CDH8: variants seen among roughly 807,000 people sequenced by gnomAD.
The protein encoded by CDH8 is cadherin-8.
CDH8 carries 17 observed loss-of-function variants against 68.1 expected under a neutral mutation model. The ratio of observed to expected loss-of-function variants is 0.25; its 90% CI spans 0.17 to 0.37. CDH8 has a LOEUF of 0.37. Ranked by LOEUF, CDH8 falls within the 10% of genes least tolerant of loss-of-function variation. The probability of loss-of-function intolerance (pLI) is 1.00; values close to 1 mark genes in which losing one functional copy is unlikely to be tolerated. For synonymous variants in CDH8, 372 were observed against 365.1 expected (o/e 1.02, Z -0.21); for missense variants, 763 against 999.3 (o/e 0.76, Z 3.19).
At chr16:61,704,997 T>A (rs1964501975) in intron 10 of CDH8, among the ~76,000 whole-genome samples, 1 of 152,030 alleles carries the variant, frequency 6.6e-6, no homozygotes, top group Non-Finnish European at 1.5e-5. Context: ...CACCCTAAGA[T>A]AAACAGCCTC....
At chr16:61,863,570 G>A (rs932471827) in intron 3 of CDH8, among the ~76,000 whole-genome samples, 3 of 152,090 alleles carry the variant, frequency 2.0e-5, no homozygotes, top group Non-Finnish European at 4.4e-5. Context: ...TCAGGAAAAC[G>A]ACAGTTTGGT....
intron 10 of CDH8, among the ~76,000 whole-genome samples, chr16:61,691,106 T>A (rs1405990175): frequency 2.0e-5 from 3 of 152,096 alleles, no homozygotes; most frequent in Admixed American, 1.3e-4. Context: ...ATCATGCACC[T>A]TTGTTTGCCG....
intron 10 of CDH8, among the ~76,000 whole-genome samples, chr16:61,699,828 G>A (rs767890656): frequency 2.6e-5 from 4 of 152,114 alleles, no homozygotes; most frequent in Non-Finnish European, 5.9e-5. Flanking sequence ...TGCCTGCCTC[G>A]GCCTCCCAAA....
intron 2 of CDH8, among the ~76,000 whole-genome samples, chr16:61,950,474 A>T (rs1250981332): frequency 1.3e-5 from 2 of 152,182 alleles, no homozygotes; most frequent in Non-Finnish European, 2.9e-5. Flanking sequence ...AGCAGAAGGG[A>T]TGCGACTGGG....
chr16:61,857,837 C>G (rs1017912427), intron 3 of CDH8, among the ~76,000 whole-genome samples: 1 of 151,974 alleles, frequency 6.6e-6, no homozygotes, highest in African/African-American at 2.4e-5. Flanking sequence ...TGAGCATATA[C>G]AGTTTGCCTG....
intron 2 of CDH8, among the ~76,000 whole-genome samples, chr16:61,926,606 C>T (rs1228328128): frequency 6.6e-6 from 1 of 152,196 alleles, no homozygotes; most frequent in East Asian, 1.9e-4. Context: ...AACAACCCAG[C>T]ATTTAAGCAA....
intron 3 of CDH8, among the ~76,000 whole-genome samples, chr16:61,886,426 C>T (rs1218093367): frequency 6.6e-6 from 1 of 152,220 alleles, no homozygotes; most frequent in Non-Finnish European, 1.5e-5. Flanking sequence ...CCCCTGGTCA[C>T]TGTCATCACT....
intron 3 of CDH8, among the ~76,000 whole-genome samples, chr16:61,859,082 T>C (rs1487822769): frequency 6.6e-6 from 1 of 152,158 alleles, no homozygotes; most frequent in Non-Finnish European, 1.5e-5. Flanking sequence ...TAATATTTGT[T>C]GAGCAGTTGA....
chr16:61,912,952 A>G (rs561192823), intron 2 of CDH8, among the ~76,000 whole-genome samples: 1 of 152,306 alleles, frequency 6.6e-6, no homozygotes, highest in South Asian at 2.1e-4. Context: ...TTTAAAACAC[A>G]GCAATAAAAA....
chr16:61,898,192 TAGG>T (rs1783067080), intron 3 of CDH8, among the ~76,000 whole-genome samples: 1 of 151,780 alleles, frequency 6.6e-6, no homozygotes, highest in African/African-American at 2.4e-5. Flanking sequence ...CCCAGCTACT[TAGG>T]AGGCTGAGGC....
intron 10 of CDH8, among the ~76,000 whole-genome samples, chr16:61,701,234 A>G (rs1255895671): frequency 1.3e-5 from 2 of 152,182 alleles, no homozygotes; most frequent in African/African-American, 4.8e-5. Flanking sequence ...TTTGTTCTCT[A>G]TGAACATAAA....
intron 3 of CDH8, among the ~76,000 whole-genome samples, chr16:61,874,951 G>T (rs1963434914): frequency 6.6e-6 from 1 of 152,130 alleles, no homozygotes; most frequent in Admixed American, 6.5e-5. Flanking sequence ...GCTAGAATCT[G>T]GGGATTCAAG....
chr16:62,021,158 A>G lies in CDH8; in HGVS notation c.246T>C (p.Val82=). The G allele has an allele frequency of 6.2e-7, 1 of 1,613,910 alleles. No individual in the cohort carries two copies. The highest frequency in any genetic ancestry group is 1.7e-5 in the Admixed American group (1 of 59,968). The change falls in exon 2 of 12, where the codon GTT becomes GTC. Residue 82 remains valine (V), a synonymous_variant. Transcript: ENST00000577390. ...TCTTAAAAACAAAGCTTACCCGGCC[A>G]ACAAGAATCGGTTCAGGTCCAGAAA... ...EEFSGPEPIL[V]GRLHTDLDPG...
intron 3 of CDH8, among the ~76,000 whole-genome samples, chr16:61,872,791 T>G: frequency 6.6e-6 from 1 of 152,312 alleles, no homozygotes; most frequent in South Asian, 2.1e-4. Flanking sequence ...ATTTTATTTT[T>G]GGTTTTTATT....
intron 8 of CDH8, among the ~76,000 whole-genome samples, chr16:61,764,777 C>G (rs1960548035): frequency 6.6e-6 from 1 of 151,932 alleles, no homozygotes; most frequent in Non-Finnish European, 1.5e-5. Flanking sequence ...TACAAATACC[C>G]CATCATGTAA....
Position 61,647,491 on chromosome 16 carries a change from T to A in CDH8, c.*6117A>T. On this transcript the variant is annotated 3_prime_UTR_variant, in exon 12 of 12. Coordinates refer to ENST00000577390, the MANE Select transcript of CDH8 (RefSeq NM_001796.5). The stretch of plus-strand genomic sequence containing the variant: ...AGGTGGGGGGGGTGATCCCAGTGAC[T>A]CCTAAATTGTCATGTTCCATCTTAG... The A allele has an allele frequency of 3.7e-6, 1 of 268,772 alleles. No homozygotes were observed. 16.6% of individuals were successfully genotyped at this position (268,772 alleles called of 1,614,324 possible).
chr16:61,737,107 A>T (rs192342925), intron 8 of CDH8, among the ~76,000 whole-genome samples: 9 of 152,238 alleles, frequency 5.9e-5, no homozygotes, highest in Admixed American at 5.9e-4. Context: ...ATTGCCCATT[A>T]ATTTTGCCCT....
chr16:61,717,291 A>T (rs574247609), intron 9 of CDH8, among the ~76,000 whole-genome samples: 2 of 151,622 alleles, frequency 1.3e-5, no homozygotes. Context: ...CATATCTGGG[A>T]TGTTGGGATA....
intron 2 of CDH8, among the ~76,000 whole-genome samples, chr16:61,969,528 G>C (rs558770652): frequency 1.3e-5 from 2 of 152,052 alleles, no homozygotes; most frequent in South Asian, 4.2e-4. Context: ...AGACTATTTC[G>C]GTCAGTATCA....
Sources: gnomAD v4.1 joint callset for allele counts (sites outside exome capture counted in the v4.1 genomes callset) on GRCh38, gnomAD v4.1.1 for gene constraint, MANE v1.5 for transcripts, NCBI Gene and HGNC (gene_info 2026-07-23, HGNC 2026-07-21) for gene names.